The following RANBP2 variants were observed in gnomAD, a reference collection of about 807,000 sequenced individuals.
RANBP2 encodes E3 SUMO-protein ligase RanBP2.
In RANBP2, 57 loss-of-function variants were observed where a neutral mutation model predicts 303.6. The ratio of observed to expected loss-of-function variants is 0.19; its 90% CI spans 0.15 to 0.23. The LOEUF is 0.23. RANBP2 is among the 10% of genes least tolerant of loss of function. The pLI, the probability that RANBP2 is intolerant of heterozygous loss-of-function variation, is 1.00. For missense variants in RANBP2, 3,138 were observed against 3,780.8 expected, an observed-to-expected ratio of 0.83 and a Z score of 4.46; for synonymous variants, 1,167 against 1,301.5, an observed-to-expected ratio of 0.90 and a Z score of 2.23.
chr2:109,472,629 G>A, the RANBP2 span, among the ~76,000 whole-genome samples: 1 of 152,158 alleles, frequency 6.6e-6, no homozygotes. Flanking sequence ...CAAAATTCAG[G>A]AAGTGAGCTT....
At position 108,781,412 on chromosome 2, in the gene RANBP2, A is replaced by G. The variant is rs752605137; in HGVS notation, c.8743A>G (p.Ile2915Val). 3 of 1,614,018 alleles carry G rather than the reference A, an allele frequency of 1.9e-6. No homozygotes were observed. The highest frequency in any genetic ancestry group is 1.7e-6 in the Non-Finnish European group (2 of 1,179,990). ...VHNEDIHFEP[I>V]VSLPEVEVKS... ...TAATGAAGATATCCATTTTGAACCA[A>G]TAGTGTCACTACCAGAGGTAAATGT... is the stretch of plus-strand genomic sequence containing the variant. Residue 2915 changes from isoleucine (I) to valine (V), a missense_variant, in exon 26 of 29, where the codon ATA becomes GTA. Coordinates refer to ENST00000283195, the MANE Select transcript of RANBP2 (RefSeq NM_006267.5).
At chr2:109,560,314 TG>T in the RANBP2 span, among the ~76,000 whole-genome samples, 5 of 152,194 alleles carry the variant, frequency 3.3e-5, no homozygotes, top group Non-Finnish European at 7.3e-5. Flanking sequence ...AGCATAAACC[TG>T]GACCTCAACT....
chr2:109,107,300 C>A, the RANBP2 span, among the ~76,000 whole-genome samples: 4 of 151,704 alleles, frequency 2.6e-5, no homozygotes, highest in Non-Finnish European at 4.4e-5. Context: ...AAGAGTATGA[C>A]CCACACGCTC....
At chr2:109,604,330 G>A in the RANBP2 span, among the ~76,000 whole-genome samples, 727 of 111,298 alleles carry the variant, frequency 6.5e-3, 9 homozygotes, top group South Asian at 0.071. Flanking sequence ...GTGACAGAGC[G>A]GGACCCCATA....
the RANBP2 span, among the ~76,000 whole-genome samples, chr2:109,716,308 G>T: frequency 6.6e-6 from 1 of 152,016 alleles, no homozygotes; most frequent in African/African-American, 2.4e-5. Context: ...CTAGAGTGCA[G>T]TGGTGCAATC....
At chr2:109,524,254 G>A in the RANBP2 span, among the ~76,000 whole-genome samples, 1 of 152,092 alleles carries the variant, frequency 6.6e-6, no homozygotes, top group Non-Finnish European at 1.5e-5. Flanking sequence ...GGGGCTCAGA[G>A]GGCAGTTCTC....
At chr2:108,750,252 T>G (rs1386229522) in intron 9 of RANBP2, among the ~76,000 whole-genome samples, 1 of 152,288 alleles carries the variant, frequency 6.6e-6, no homozygotes, top group African/African-American at 2.4e-5. Context: ...TCATGAATTC[T>G]CTCCCACAGT....
At chr2:109,519,054 G>C in the RANBP2 span, among the ~76,000 whole-genome samples, 1 of 151,710 alleles carries the variant, frequency 6.6e-6, no homozygotes, top group East Asian at 1.9e-4. Flanking sequence ...AAGTATCTGG[G>C]ATTACAGGTG....
chr2:108,864,243 C>T, the RANBP2 span, among the ~76,000 whole-genome samples: 1 of 151,902 alleles, frequency 6.6e-6, no homozygotes, highest in Non-Finnish European at 1.5e-5. Context: ...GCTAAGAAAG[C>T]AAATAATTAA....
chr2:109,268,028 C>T, the RANBP2 span, among the ~76,000 whole-genome samples: 1 of 151,848 alleles, frequency 6.6e-6, no homozygotes, highest in Non-Finnish European at 1.5e-5. Flanking sequence ...GACTCTGTGT[C>T]CAGTCCTTGT....
At chr2:109,096,923 C>T in the RANBP2 span, among the ~76,000 whole-genome samples, 1 of 152,022 alleles carries the variant, frequency 6.6e-6, no homozygotes, top group Admixed American at 6.6e-5. Context: ...AGACTCAGCA[C>T]AAGAAGACAG....
At chr2:108,845,825 C>T in the RANBP2 span, among the ~76,000 whole-genome samples, 9 of 152,268 alleles carry the variant, frequency 5.9e-5, no homozygotes, top group African/African-American at 1.2e-4. Flanking sequence ...CCTGCCTCGG[C>T]GTCCCAAAGT....
the RANBP2 span, among the ~76,000 whole-genome samples, chr2:108,955,440 C>T: frequency 2.6e-5 from 4 of 152,122 alleles, no homozygotes; most frequent in African/African-American, 9.7e-5. Context: ...TTTGTAGAGA[C>T]ATATATATCT....
At chr2:108,721,984 C>T (rs1234259529) in intron 1 of RANBP2, among the ~76,000 whole-genome samples, 1 of 151,720 alleles carries the variant, frequency 6.6e-6, no homozygotes. Context: ...GTGATCCTCC[C>T]GCCTTGGCCC....
chr2:109,485,343 C>T, the RANBP2 span, among the ~76,000 whole-genome samples: 4 of 152,208 alleles, frequency 2.6e-5, no homozygotes, highest in African/African-American at 4.8e-5. Flanking sequence ...CATGAAATGA[C>T]TTGTATCTCT....
At chr2:109,325,296 A>G in the RANBP2 span, among the ~76,000 whole-genome samples, 2 of 148,684 alleles carry the variant, frequency 1.3e-5, no homozygotes, top group Admixed American at 6.7e-5. Context: ...ATTGGATTTC[A>G]GGGACTGCCA....
In RANBP2 at chr2:108,731,458, C is replaced by T; in HGVS notation, c.389C>T (p.Ala130Val). 2 of 1,611,468 alleles carry T rather than the reference C, an allele frequency of 1.2e-6. No individual in the cohort carries two copies. The highest frequency in any genetic ancestry group is 2.2e-5 in the East Asian group (1 of 44,776). Residue 130 changes from alanine to valine, a missense_variant, in exon 4 of 29, where the codon GCA becomes GTA. By Grantham distance (64) the Ala-to-Val change is moderately conservative. Transcript: ENST00000283195. ...GCCAAACTTTTCCCAGGAAGTCCTG[C>T]AATTTATAAACTAAAGGTAAACAAA... Reference protein sequence around the residue: ...RAAKLFPGSPAIYKLKEQLLD... With the variant: ...RAAKLFPGSPVIYKLKEQLLD...
At chr2:109,408,634 A>G in the RANBP2 span, among the ~76,000 whole-genome samples, 150,723 of 152,368 alleles carry the variant, frequency 0.99, 74,548 homozygotes, top group Middle Eastern at 1. Context: ...TGTACAGGCA[A>G]TGCCCCGCAC....
chr2:109,417,233 T>C, the RANBP2 span, among the ~76,000 whole-genome samples: 1 of 152,124 alleles, frequency 6.6e-6, no homozygotes, highest in African/African-American at 2.4e-5. Flanking sequence ...AGCTTCTCCT[T>C]CTCCCTCCCT....
Sources: gnomAD v4.1 joint callset for allele counts (sites outside exome capture counted in the v4.1 genomes callset) on GRCh38, gnomAD v4.1.1 for gene constraint, MANE v1.5 for transcripts, NCBI Gene and HGNC (gene_info 2026-07-23, HGNC 2026-07-21) for gene names.